Variants in PAK3 observed in about 807,000 individuals in gnomAD.
PAK3 encodes p21 (RAC1) activated kinase 3, also known as serine/threonine-protein kinase PAK 3.
PAK3 carries 4 observed loss-of-function variants against 41.0 expected under a neutral mutation model. That is an observed-to-expected ratio of 0.10 (90% CI 0.05 to 0.22). PAK3 has a LOEUF of 0.22. Ranked by LOEUF, PAK3 falls within the 10% of genes least tolerant of loss-of-function variation. PAK3 has a pLI of 1.00. For missense variants in PAK3, 205 were observed against 409.9 expected, an observed-to-expected ratio of 0.50 and a Z score of 4.32; for synonymous variants, 146 against 139.6, an observed-to-expected ratio of 1.05 and a Z score of -0.32.
chrX:110,995,022 C>T (rs2091716875), intron 1 of PAK3, among the ~76,000 whole-genome samples: 1 of 111,839 alleles, frequency 8.9e-6, no homozygotes, highest in African/African-American at 3.3e-5. Context: ...TGATTGTATT[C>T]ATATCTTCCT....
At chrX:111,216,956 T>C in intron 17 of PAK3, 7 of 751,926 alleles carry the variant, frequency 9.3e-6, no homozygotes, top group Non-Finnish European at 4.7e-6. Context: ...ACTCTAATGC[T>C]TTGCTGGTCA....
At chrX:110,967,037 C>G (rs758064094) in intron 1 of PAK3, among the ~76,000 whole-genome samples, 1 of 112,315 alleles carries the variant, frequency 8.9e-6, no homozygotes, top group Non-Finnish European at 1.9e-5. Context: ...AACAAGACCA[C>G]AGAGAGCTTT....
At chrX:110,956,650 A>T (rs755140725) in intron 1 of PAK3, among the ~76,000 whole-genome samples, 70 of 111,077 alleles carry the variant, frequency 6.3e-4, no homozygotes, top group African/African-American at 2.3e-3. Context: ...AACAAAGCAG[A>T]CCCTGCTTTA....
intron 1 of PAK3, among the ~76,000 whole-genome samples, chrX:110,972,686 C>T (rs986830697): frequency 9.0e-6 from 1 of 111,723 alleles, no homozygotes; most frequent in Non-Finnish European, 1.9e-5. Context: ...TCGCCAGCAA[C>T]GGAACAAAGC....
chrX:110,953,368 C>T (rs1211035874), intron 1 of PAK3, among the ~76,000 whole-genome samples: 1 of 111,940 alleles, frequency 8.9e-6, no homozygotes, highest in East Asian at 2.8e-4. Context: ...AAAATGAGGG[C>T]ATCGTTAGGA....
intron 1 of PAK3, among the ~76,000 whole-genome samples, chrX:111,036,237 C>T (rs1373696983): frequency 1.8e-5 from 2 of 112,356 alleles, no homozygotes; most frequent in African/African-American, 3.2e-5. Context: ...GTGGCCCCAA[C>T]AACAGCTGTT....
intron 1 of PAK3, among the ~76,000 whole-genome samples, chrX:110,959,459 A>G (rs1312205391): frequency 1.8e-5 from 2 of 111,624 alleles, no homozygotes; most frequent in Non-Finnish European, 3.8e-5. Flanking sequence ...TATGTTGCAT[A>G]TCAACAAACT....
At chrX:111,204,878 GTTTTTT>G (rs1163687252) in intron 16 of PAK3, among the ~76,000 whole-genome samples, 1 of 37,671 alleles carries the variant, frequency 2.7e-5, no homozygotes, top group Non-Finnish European at 4.9e-5. Flanking sequence ...CCTTTGCTTT[GTTTTTT>G]TTTTTTTTTT....
At chrX:111,035,105 C>CAAAAAAAA (rs533876214) in intron 1 of PAK3, among the ~76,000 whole-genome samples, 5 of 39,556 alleles carry the variant, frequency 1.3e-4, no homozygotes, top group African/African-American at 7.0e-4. Flanking sequence ...GACCCTGTCT[C>CAAAAAAAA]AAAAAAAAAA....
At chrX:110,957,603 C>G (rs1361337478) in intron 1 of PAK3, among the ~76,000 whole-genome samples, 1 of 111,578 alleles carries the variant, frequency 9.0e-6, no homozygotes, top group Non-Finnish European at 1.9e-5. Flanking sequence ...GGGACCCTGG[C>G]CATGGCTGGT....
chrX:110,975,933 T>A (rs1249753177), intron 1 of PAK3, among the ~76,000 whole-genome samples: 2 of 111,897 alleles, frequency 1.8e-5, no homozygotes, highest in African/African-American at 3.3e-5. Flanking sequence ...CTGGATCCCT[T>A]CCTTACACCT....
At chrX:111,038,770 C>T (rs1256815992) in intron 1 of PAK3, among the ~76,000 whole-genome samples, 1 of 112,006 alleles carries the variant, frequency 8.9e-6, no homozygotes, top group East Asian at 2.8e-4. Context: ...AAGATTAAAT[C>T]TTTAATGTTT....
Position 110,956,072 on chromosome X carries a change from G to A in PAK3, c.-28+11444G>A, listed in dbSNP as rs916481544. On this transcript the variant is annotated intron_variant, in intron 1 of 14. Coordinates refer to the PAK3 transcript ENST00000425146. The stretch of plus-strand genomic sequence containing the variant: ...TACTTACCTCACAGAGTTGTGGTGA[G>A]GAATCAAAGAGATAATCTATGTCTG... 8.1e-5 allele frequency among the ~76,000 whole-genome samples: 9 copies of A among 111,762 alleles called. No homozygotes were observed. In the Admixed American group the frequency reaches 8.5e-4, roughly 11 times the overall value.
At chrX:111,157,000 C>T (rs2094114873) in intron 8 of PAK3, among the ~76,000 whole-genome samples, 2 of 111,780 alleles carry the variant, frequency 1.8e-5, no homozygotes, top group Non-Finnish European at 3.8e-5. Flanking sequence ...TTGAACGTGC[C>T]ATTATCTATG....
chrX:110,972,392 G>T (rs1309945699), intron 1 of PAK3, among the ~76,000 whole-genome samples: 1 of 111,890 alleles, frequency 8.9e-6, no homozygotes, highest in South Asian at 3.8e-4. Context: ...CTGTTCTGCA[G>T]CCTCCGCTGG....
chrX:110,984,473 C>G (rs1035482708), intron 1 of PAK3, among the ~76,000 whole-genome samples: 11 of 111,851 alleles, frequency 9.8e-5, no homozygotes, highest in African/African-American at 3.6e-4. Context: ...GAAGTCCCAT[C>G]CCTCCCACTT....
upstream of PAK3, among the ~76,000 whole-genome samples, chrX:111,091,536 G>A (rs1304340423): frequency 8.9e-6 from 1 of 111,993 alleles, no homozygotes; most frequent in African/African-American, 3.3e-5. Flanking sequence ...TTCCAGGAAA[G>A]AACTCGAAGA....
intron 1 of PAK3, among the ~76,000 whole-genome samples, chrX:111,066,053 A>C (rs191431105): frequency 3.0e-4 from 34 of 111,968 alleles, no homozygotes; most frequent in African/African-American, 1.0e-3. Context: ...AATTTCATTC[A>C]GCTCTGCTCT....
rs753822378 is a variant in PAK3 at position 111,185,181 on chromosome X, C to T, written c.831-6946C>T. Among the ~76,000 whole-genome samples the T allele has an allele frequency of 3.5e-4, 39 of 111,697 alleles. 1 individual carries two copies. Among genetic ancestry groups the T allele is most frequent in the African/African-American group, 5.5e-4 (17 of 30,770 alleles). On this transcript the variant is annotated intron_variant, in intron 11 of 17. Transcript: ENST00000372007. ...AGCTTTTTTTAGTATGTTTGTTGAC[C>T]GCATAAATGTCTTCTTTTGAGAAGT... is the stretch of plus-strand genomic sequence containing the variant.
Sources: allele counts gnomAD v4.1 joint callset (sites outside exome capture counted in the v4.1 genomes callset), GRCh38; gene constraint gnomAD v4.1.1; transcripts MANE v1.5; gene names NCBI Gene and HGNC (gene_info 2026-07-23, HGNC 2026-07-21).